The following SLCO1A2 variants were observed in gnomAD, a reference collection of about 807,000 sequenced individuals.
The protein encoded by SLCO1A2 is solute carrier organic anion transporter family member 1A2, also known as OATP-1.
In SLCO1A2, 67 loss-of-function variants were observed where a neutral mutation model predicts 69.0. That is an observed-to-expected ratio of 0.97 (90% confidence interval 0.80 to 1.19). The LOEUF (loss-of-function observed/expected upper bound fraction) is 1.19. Ranked by LOEUF, SLCO1A2 falls within the 50% of genes most tolerant of loss-of-function variation. The pLI, the probability that SLCO1A2 is intolerant of heterozygous loss-of-function variation, is 0.00. For synonymous variants in SLCO1A2, 260 were observed against 265.9 expected (o/e 0.98, Z 0.22); for missense variants, 787 against 793.7 (o/e 0.99, Z 0.10).
At chr12:21,275,556 G>A in intron 12 of SLCO1A2, 132 bp from the exon 13 acceptor site, 1 of 908,708 alleles carries the variant, frequency 1.1e-6, no homozygotes, top group Non-Finnish European at 1.5e-6. Flanking sequence ...CTCACTTATT[G>A]GTTATTCAGG....
At position 21,265,003 on chromosome 12, in the gene SLCO1A2, G is replaced by C. The variant is rs1435931732; in HGVS notation, c.*4545C>G. On this transcript the variant is annotated 3_prime_UTR_variant, in exon 15 of 15. Coordinates refer to ENST00000683939, the MANE Select transcript of SLCO1A2 (RefSeq NM_001386879.1). ...TTTAGGGGCATGAAGGTGGGTCTGA[G>C]CAGGAGGACATGAGGAGAGGAGGGA... 6.6e-6 allele frequency: 1 copy of C among 152,390 alleles called. No homozygotes were observed. The highest frequency in any genetic ancestry group is 1.5e-5 in the Non-Finnish European group (1 of 68,166). The allele number at this position is 152,390 out of a possible 1,614,324, so 9.4% of individuals were successfully genotyped here. A position where few individuals can be genotyped will look rare whatever the true frequency, so the allele number is the denominator to read the frequency against.
At chr12:21,321,813 A>T (rs1213353536) in intron 2 of SLCO1A2, among the ~76,000 whole-genome samples, 1 of 152,190 alleles carries the variant, frequency 6.6e-6, no homozygotes, top group Non-Finnish European at 1.5e-5. Context: ...GGTAAGCCCT[A>T]ACCATTCATT....
rs375510208 is a variant in SLCO1A2 at position 21,287,176 on chromosome 12, C to A, written c.1610+4988G>T. Among the ~76,000 whole-genome samples, 888 of 134,716 alleles carry A rather than the reference C, an allele frequency of 6.6e-3. 1 individual carries two copies. The highest frequency in any genetic ancestry group is 0.058 in the East Asian group (162 of 2,808). The allele number at this position is 134,716 out of a possible 152,430, so 88.4% of individuals were successfully genotyped here. ...AACAAATTTACAAGAAAAAAACAAA[C>A]AACCCCATCAAAAAGTGGGCAAAGG... is the stretch of plus-strand genomic sequence containing the variant. On this transcript the variant is annotated intron_variant, in intron 12 of 14. Transcript: ENST00000683939.
intron 2 of SLCO1A2, among the ~76,000 whole-genome samples, chr12:21,347,669 A>AAAGGAAGGAAGTAAGGAAGGAAGG (rs1953310920): frequency 8.8e-6 from 1 of 113,422 alleles, no homozygotes; most frequent in Non-Finnish European, 1.7e-5. Flanking sequence ...AGAAAGAAAG[A>AAAGGAAGGAAGTAAGGAAGGAAGG]AAGGAAGGAA....
At chr12:21,347,878 T>A (rs1317480338) in intron 2 of SLCO1A2, among the ~76,000 whole-genome samples, 1 of 152,216 alleles carries the variant, frequency 6.6e-6, no homozygotes, top group Non-Finnish European at 1.5e-5. Flanking sequence ...TAATGTATTT[T>A]AAAATAATAA....
chr12:21,396,803 T>C (rs1321191740), upstream of SLCO1A2, among the ~76,000 whole-genome samples: 2 of 151,970 alleles, frequency 1.3e-5, no homozygotes, highest in African/African-American at 2.4e-5. Context: ...AATAAAATAC[T>C]TTACAGACAA....
At chr12:21,345,619 G>A (rs530421278) in intron 2 of SLCO1A2, among the ~76,000 whole-genome samples, 4 of 152,088 alleles carry the variant, frequency 2.6e-5, no homozygotes, top group Non-Finnish European at 5.9e-5. Flanking sequence ...AAGTTGAAAC[G>A]GCTGAATGAA....
intron 3 of SLCO1A2, among the ~76,000 whole-genome samples, chr12:21,316,886 T>C (rs12228765): frequency 0.039 from 5,924 of 152,290 alleles, 469 homozygotes; most frequent in East Asian, 0.35. Context: ...TTGTCACCAA[T>C]AGAAGTTACA....
intron 2 of SLCO1A2, among the ~76,000 whole-genome samples, chr12:21,364,630 T>C (rs1475284172): frequency 1.3e-5 from 2 of 152,194 alleles, no homozygotes; most frequent in Non-Finnish European, 1.5e-5. Context: ...GAGGACATGA[T>C]TGTATATTTA....
intron 2 of SLCO1A2, among the ~76,000 whole-genome samples, chr12:21,321,554 T>A (rs1271695825): frequency 6.6e-6 from 1 of 152,230 alleles, no homozygotes; most frequent in Non-Finnish European, 1.5e-5. Flanking sequence ...TCTCTGATTT[T>A]TAAGATGGTA....
At chr12:21,275,527 T>G in intron 12 of SLCO1A2, 103 bp from the exon 13 acceptor site, 2 of 1,187,212 alleles carry the variant, frequency 1.7e-6, no homozygotes, top group Non-Finnish European at 2.2e-6. Flanking sequence ...TAATGAACAT[T>G]CAAAATTTTA....
rs1952818926 is a variant in SLCO1A2 at position 21,334,710 on chromosome 12, C to T, written c.-62-1G>A. On this transcript the variant is annotated splice_acceptor_variant, in intron 1 of 14. Transcript: ENST00000683939. LOFTEE classifies it low-confidence loss of function (5UTR_SPLICE). ...AATCTTGATATGTCTTACTTCTACC[C>T]TTTCAAGCAAACAAAAAAATATGTT... The T allele has an allele frequency of 7.4e-7, 1 of 1,350,590 alleles. No individual in the cohort carries two copies. Among genetic ancestry groups the T allele is most frequent in the Admixed American group, 2.3e-5 (1 of 43,038 alleles). 83.7% of individuals were successfully genotyped at this position (1,350,590 alleles called of 1,614,324 possible).
At chr12:21,365,002 C>T (rs1288099808) in intron 2 of SLCO1A2, among the ~76,000 whole-genome samples, 1 of 152,154 alleles carries the variant, frequency 6.6e-6, no homozygotes, top group Admixed American at 6.5e-5. Context: ...ATGCCATCCC[C>T]ATCAAGCTAC....
At chr12:21,289,184 CTGTGTGTGTGTGTGTG>C (rs10636619) in intron 12 of SLCO1A2, among the ~76,000 whole-genome samples, 2 of 136,984 alleles carry the variant, frequency 1.5e-5, no homozygotes, top group Non-Finnish European at 3.1e-5. Flanking sequence ...TGGTACCATT[CTGTGTGTGTGTGTGTG>C]TGTGTGTGTG....
intron 2 of SLCO1A2, among the ~76,000 whole-genome samples, chr12:21,358,223 G>C (rs924802318): frequency 1.3e-5 from 2 of 152,238 alleles, no homozygotes; most frequent in Admixed American, 1.3e-4. Context: ...GTGAATCTGT[G>C]ATACAAAGAG....
At chr12:21,405,254 C>G (rs78113338) in intron 1 of SLCO1A2, among the ~76,000 whole-genome samples, 4 of 151,994 alleles carry the variant, frequency 2.6e-5, no homozygotes, top group Non-Finnish European at 5.9e-5. Context: ...TCAATTTTTG[C>G]TTTTGTTGCA....
intron 2 of SLCO1A2, among the ~76,000 whole-genome samples, chr12:21,366,297 G>T (rs1056749017): frequency 7.3e-5 from 11 of 150,120 alleles, no homozygotes; most frequent in Non-Finnish European, 1.2e-4. Context: ...AGTATCACAA[G>T]GACAAAAAAC....
chr12:21,357,390 G>A (rs1288893278), intron 2 of SLCO1A2, among the ~76,000 whole-genome samples: 1 of 152,180 alleles, frequency 6.6e-6, no homozygotes, highest in African/African-American at 2.4e-5. Context: ...ACTACCAGAA[G>A]CTAGAAAGAG....
chr12:21,341,863 C>A (rs938621552), intron 2 of SLCO1A2, among the ~76,000 whole-genome samples: 1 of 151,986 alleles, frequency 6.6e-6, no homozygotes, highest in African/African-American at 2.4e-5. Context: ...ATTCAGATTT[C>A]TACTTTGGGA....
Sources: gnomAD v4.1 joint callset for allele counts (sites outside exome capture counted in the v4.1 genomes callset) on GRCh38, gnomAD v4.1.1 for gene constraint, MANE v1.5 for transcripts, NCBI Gene and HGNC (gene_info 2026-07-23, HGNC 2026-07-21) for gene names.